Variants in CASP4 observed in about 807,000 individuals in gnomAD.
CASP4 encodes caspase-4.
In CASP4, 29 loss-of-function variants were observed where a neutral mutation model predicts 41.3. The ratio of observed to expected loss-of-function variants is 0.70; its 90% CI spans 0.52 to 0.96. The LOEUF (loss-of-function observed/expected upper bound fraction) is 0.96, where lower values mean the gene tolerates loss of function less well. Ranked by LOEUF, CASP4 falls within the 40% of genes least tolerant of loss-of-function variation. The pLI is 0.00. For synonymous variants in CASP4, 185 were observed against 158.4 expected (o/e 1.17, Z -1.26); for missense variants, 447 against 460.6 (o/e 0.97, Z 0.27).
chr11:104,960,811 C>T (rs149108299), intron 1 of CASP4, among the ~76,000 whole-genome samples: 2 of 152,142 alleles, frequency 1.3e-5, no homozygotes, highest in Admixed American at 6.6e-5. Flanking sequence ...TGATTCCCAG[C>T]CTACTTATCT....
intron 8 of CASP4, chr11:104,943,967 A>G (rs1354554444): frequency 6.6e-6 from 1 of 152,226 alleles, no homozygotes; most frequent in Non-Finnish European, 1.5e-5. Context: ...TGTTAAATAA[A>G]GCTATTATGA....
chr11:104,953,304 G>C (rs1053673948), intron 2 of CASP4, among the ~76,000 whole-genome samples: 4 of 152,046 alleles, frequency 2.6e-5, no homozygotes, highest in Non-Finnish European at 4.4e-5. Context: ...TCCTGTGAGG[G>C]GTTGCCGCTG....
intron 6 of CASP4, chr11:104,948,046 T>G (rs1231938846): frequency 6.6e-6 from 1 of 152,196 alleles, no homozygotes; most frequent in Non-Finnish European, 1.5e-5. Context: ...AACAGTTAAA[T>G]GTACGCTCCT....
In CASP4 at chr11:104,947,206, G is replaced by C. The variant is rs764507512; in HGVS notation, c.926-14C>G. 24 of 1,474,494 alleles carry C rather than the reference G, an allele frequency of 1.6e-5. No homozygotes were observed. In the Admixed American group the frequency reaches 4.1e-4, roughly 25 times the overall value. The allele number at this position is 1,474,494 out of a possible 1,614,324, so 91.3% of individuals were successfully genotyped here. The stretch of plus-strand genomic sequence containing the variant: ...AGGACACGTTGTCTATAATGATACA[G>C]ATGGGTATGCCTTGGGCTATGACTT... On this transcript the variant is annotated splice_polypyrimidine_tract_variant and intron_variant, in intron 6 of 8. Coordinates refer to ENST00000444739, the MANE Select transcript of CASP4 (RefSeq NM_001225.4).
At chr11:104,955,341 T>C (rs928356648) in intron 1 of CASP4, among the ~76,000 whole-genome samples, 1 of 152,058 alleles carries the variant, frequency 6.6e-6, no homozygotes. Flanking sequence ...ATAGTGATAA[T>C]GATCTGCCTA....
intron 6 of CASP4, 189 bp from the exon 7 acceptor site, chr11:104,947,381 G>A (rs946120512): frequency 2.3e-4 from 87 of 382,776 alleles, no homozygotes; most frequent in Non-Finnish European, 3.4e-4. Context: ...CCTAGCAAAA[G>A]GTGATCAAAA....
chr11:104,965,335 T>G (rs756389558), intron 1 of CASP4, among the ~76,000 whole-genome samples: 2 of 152,224 alleles, frequency 1.3e-5, no homozygotes, highest in Non-Finnish European at 2.9e-5. Context: ...CTCAGACAGT[T>G]GCAAAGTGGT....
intron 5 of CASP4, 135 bp downstream of exon 5, chr11:104,949,408 A>T: frequency 1.1e-6 from 1 of 904,796 alleles, no homozygotes; most frequent in Non-Finnish European, 1.7e-6. Context: ...ACCCTTAGGT[A>T]GAGTTTCTTT....
At chr11:104,965,178 A>T (rs1421061970) in intron 1 of CASP4, among the ~76,000 whole-genome samples, 8 of 152,190 alleles carry the variant, frequency 5.3e-5, no homozygotes, top group Non-Finnish European at 1.2e-4. Flanking sequence ...TTGCTTTTAA[A>T]ATTGAGAATT....
rs146385325 is a variant in CASP4 at position 104,962,369 on chromosome 11, T to G, written c.7+6150A>C. On this transcript the variant is annotated intron_variant, in intron 1 of 8. Transcript: ENST00000444739. ...CATCTGTGTAAACAGTAAACATCACTATATGTTTCTCTGTAAAGTTTTGAT... is the reference window on the plus strand; with the variant it reads ...CATCTGTGTAAACAGTAAACATCACGATATGTTTCTCTGTAAAGTTTTGAT... 6.3e-4 allele frequency among the ~76,000 whole-genome samples: 96 copies of G among 152,300 alleles called. 1 individual carries two copies. Among genetic ancestry groups the G allele is most frequent in the African/African-American group, 2.2e-3 (92 of 41,576 alleles).
chr11:104,961,452 T>G (rs1156742672), intron 1 of CASP4, among the ~76,000 whole-genome samples: 1 of 151,688 alleles, frequency 6.6e-6, no homozygotes, highest in African/African-American at 2.4e-5. Flanking sequence ...TAATGCCTCC[T>G]TCCTTCTCTC....
At chr11:104,954,659 G>C in intron 2 of CASP4, 88 bp downstream of exon 2, 1 of 1,172,448 alleles carries the variant, frequency 8.5e-7, no homozygotes, top group Non-Finnish European at 1.2e-6. Context: ...GGGAAAGATA[G>C]GGGAATCACA....
chr11:104,946,619 C>A (rs1437489956), intron 7 of CASP4: 1 of 152,110 alleles, frequency 6.6e-6, no homozygotes. Flanking sequence ...CTTTATGGAT[C>A]CTATCACAAT....
At chr11:104,958,012 C>T (rs750701108) in intron 1 of CASP4, among the ~76,000 whole-genome samples, 1 of 152,062 alleles carries the variant, frequency 6.6e-6, no homozygotes, top group African/African-American at 2.4e-5. Flanking sequence ...TTTGACTTTT[C>T]AACAAAGGTT....
chr11:104,944,795 T>C lies in CASP4; in HGVS notation c.1092A>G (p.Arg364=). ...GGTAGAAATATCTTGTCATGGACAG[T>C]CGTTCTATGGTGGGCATTTGAGCTT... ...RAKAQMPTIE[R]LSMTRYFYLF... The change falls in exon 8 of 9, where the codon CGA becomes CGG. Residue 364 remains arginine, a synonymous_variant. Coordinates refer to ENST00000444739, the MANE Select transcript of CASP4 (RefSeq NM_001225.4). 1 of 1,613,704 alleles carries C rather than the reference T, an allele frequency of 6.2e-7. No individual in the cohort carries two copies. Among genetic ancestry groups the C allele is most frequent in the Non-Finnish European group, 8.5e-7 (1 of 1,179,668 alleles).
At chr11:104,967,320 T>A (rs1860996327) in intron 1 of CASP4, among the ~76,000 whole-genome samples, 1 of 152,154 alleles carries the variant, frequency 6.6e-6, no homozygotes, top group South Asian at 2.1e-4. Flanking sequence ...AATTGTTCTA[T>A]AGGGAGAATC....
chr11:104,963,459 G>C (rs183413132), intron 1 of CASP4, among the ~76,000 whole-genome samples: 6 of 152,262 alleles, frequency 3.9e-5, no homozygotes, highest in Admixed American at 6.5e-5. Flanking sequence ...AAAATCAAAG[G>C]CTCTGTTCTG....
intron 1 of CASP4, among the ~76,000 whole-genome samples, chr11:104,958,614 A>G (rs1413115653): frequency 6.6e-6 from 1 of 152,164 alleles, no homozygotes; most frequent in Non-Finnish European, 1.5e-5. Context: ...GACAAAAGAT[A>G]ACAAATGGTG....
chr11:104,961,594 TA>T (rs1245675436), intron 1 of CASP4, among the ~76,000 whole-genome samples: 2 of 152,316 alleles, frequency 1.3e-5, no homozygotes, highest in East Asian at 3.9e-4. Context: ...TGGTTGGCTC[TA>T]ACTAGTAGGA....
Sources: gnomAD v4.1 joint callset for allele counts (sites outside exome capture counted in the v4.1 genomes callset) on GRCh38, gnomAD v4.1.1 for gene constraint, MANE v1.5 for transcripts, NCBI Gene and HGNC (gene_info 2026-07-23, HGNC 2026-07-21) for gene names.